The following ZBTB21 variants were observed in gnomAD, a reference collection of about 807,000 sequenced individuals.
ZBTB21 encodes the protein zinc finger and BTB domain-containing protein 21.
In ZBTB21, 10 loss-of-function variants were observed where a neutral mutation model predicts 39.8. That is an observed-to-expected ratio of 0.25 (90% CI 0.16 to 0.43). The LOEUF is 0.43. ZBTB21 is among the 20% of genes least tolerant of loss of function. The probability of loss-of-function intolerance (pLI) is 1.00; values close to 1 mark genes in which losing one functional copy is unlikely to be tolerated. For missense variants in ZBTB21, 1,221 were observed against 1,296.3 expected, an observed-to-expected ratio of 0.94 and a Z score of 0.89; for synonymous variants, 551 against 498.8, an observed-to-expected ratio of 1.10 and a Z score of -1.40.
Position 41,987,387 on chromosome 21 carries a change from T to C in ZBTB21, c.*3508A>G, listed in dbSNP as rs565543503. On this transcript the variant is annotated 3_prime_UTR_variant, in exon 3 of 3. Coordinates refer to ENST00000310826, the MANE Select transcript of ZBTB21 (RefSeq NM_001098402.2). ...CCCGCTGAGATACACTGAAAGAGCA[T>C]ATTAAAAATTACAAAAAATTAAACT... 1 of 152,308 alleles carries C rather than the reference T, an allele frequency of 6.6e-6. No individual in the cohort carries two copies. The highest frequency in any genetic ancestry group is 2.4e-5 in the African/African-American group (1 of 41,570). The allele number at this position is 152,308 out of a possible 1,614,324, so 9.4% of individuals were successfully genotyped here. A position where few individuals can be genotyped will look rare whatever the true frequency, so the allele number is the denominator to read the frequency against.
chr21:41,997,914 G>A (rs1360211843), intron 2 of ZBTB21, among the ~76,000 whole-genome samples: 4 of 152,094 alleles, frequency 2.6e-5, no homozygotes, highest in African/African-American at 4.8e-5. Flanking sequence ...TAGCCTCTCG[G>A]TGTGGCAGAT....
At chr21:42,000,728 C>T (rs1264802347) in intron 2 of ZBTB21, among the ~76,000 whole-genome samples, 1 of 152,154 alleles carries the variant, frequency 6.6e-6, no homozygotes, top group Non-Finnish European at 1.5e-5. Context: ...TGGATGAAAA[C>T]ATCTATGGAC....
chr21:42,007,768 G>C (rs1384202563), intron 1 of ZBTB21: 1 of 152,258 alleles, frequency 6.6e-6, no homozygotes, highest in Non-Finnish European at 1.5e-5. Context: ...GCTAGGTACA[G>C]GGCAAAGAGA....
intron 1 of ZBTB21, among the ~76,000 whole-genome samples, chr21:42,007,449 T>G (rs561746618): frequency 6.6e-6 from 1 of 152,196 alleles, no homozygotes; most frequent in Admixed American, 6.5e-5. Flanking sequence ...GGACACTACT[T>G]ACCATCTACT....
At position 41,989,519 on chromosome 21, in the gene ZBTB21, C is replaced by A. The variant is rs1338282879; in HGVS notation, c.*1376G>T. On this transcript the variant is annotated 3_prime_UTR_variant, in exon 3 of 3. Transcript: ENST00000310826. ...TTTTAATACATCTAACTCCCACCCC[C>A]ACAAGTAAAAGTTTTCCCTTTTGAA... 6.6e-6 allele frequency: 1 copy of A among 152,016 alleles called. No homozygotes were observed. Among genetic ancestry groups the A allele is most frequent in the Non-Finnish European group, 1.5e-5 (1 of 67,972 alleles). 9.4% of individuals were successfully genotyped at this position (152,016 alleles called of 1,614,324 possible).
intron 2 of ZBTB21, among the ~76,000 whole-genome samples, chr21:42,000,011 C>T (rs892427984): frequency 3.9e-5 from 6 of 152,112 alleles, no homozygotes; most frequent in African/African-American, 7.2e-5. Context: ...GGGGAAGCTG[C>T]GGGCCAGCTT....
chr21:42,008,556 AAAAAAAG>A (rs2065912251), intron 1 of ZBTB21, among the ~76,000 whole-genome samples: 1 of 131,156 alleles, frequency 7.6e-6, no homozygotes, highest in African/African-American at 2.5e-5. Context: ...AAAAAAAAAA[AAAAAAAG>A]AAAAAAAGAA....
At chr21:42,008,342 CAA>C (rs767411984) in intron 1 of ZBTB21, among the ~76,000 whole-genome samples, 3 of 54,294 alleles carry the variant, frequency 5.5e-5, no homozygotes, top group African/African-American at 2.2e-4. Flanking sequence ...CCCGTCTCTA[CAA>C]AAAAAAAAAA....
intron 1 of ZBTB21, chr21:42,009,126 T>C (rs1271945236): frequency 6.8e-6 from 1 of 147,092 alleles, no homozygotes; most frequent in African/African-American, 2.6e-5. Context: ...TGTGAGCGCT[T>C]GCACGAAAGG....
intron 1 of ZBTB21, among the ~76,000 whole-genome samples, chr21:42,003,461 T>C (rs2065841503): frequency 6.6e-6 from 1 of 152,118 alleles, no homozygotes; most frequent in Admixed American, 6.5e-5. Flanking sequence ...GGCCAGGGTG[T>C]AGGAGGGTGG....
At chr21:41,996,222 C>G (rs1305583003) in intron 2 of ZBTB21, among the ~76,000 whole-genome samples, 1 of 152,218 alleles carries the variant, frequency 6.6e-6, no homozygotes, top group Non-Finnish European at 1.5e-5. Context: ...ACAGCTGGCA[C>G]TGCGTGCCTG....
Position 41,987,408 on chromosome 21 carries a change from AAAC to A in ZBTB21, c.*3484_*3486del, listed in dbSNP as rs2065592123. ...AGCATATTAAAAATTACAAAAAATTAAACTTCTTAAAGTGCTAAAACCACAAAA... is the reference window on the plus strand; with the variant it reads ...AGCATATTAAAAATTACAAAAAATTATTCTTAAAGTGCTAAAACCACAAAA... On this transcript the variant is annotated 3_prime_UTR_variant, in exon 3 of 3. Coordinates refer to ENST00000310826, the MANE Select transcript of ZBTB21 (RefSeq NM_001098402.2). The A allele has an allele frequency of 6.6e-6, 1 of 152,240 alleles. No individual in the cohort carries two copies. Among genetic ancestry groups the A allele is most frequent in the Admixed American group, 6.5e-5 (1 of 15,282 alleles). 9.4% of individuals were successfully genotyped at this position (152,240 alleles called of 1,614,324 possible).
chr21:42,005,061 G>T (rs1455998388), intron 1 of ZBTB21, among the ~76,000 whole-genome samples: 1 of 152,210 alleles, frequency 6.6e-6, no homozygotes, highest in Non-Finnish European at 1.5e-5. Flanking sequence ...TCTCTAACAA[G>T]GGGGTTTGAT....
rs755714637 is a variant in ZBTB21, at chr21:41,991,978, T to C, written c.2118A>G (p.Pro706=). 9 of 1,614,214 alleles carry C rather than the reference T, an allele frequency of 5.6e-6. No individual in the cohort carries two copies. Among genetic ancestry groups the C allele is most frequent in the Non-Finnish European group, 7.6e-6 (9 of 1,180,042 alleles). Reference sequence around the variant, plus strand: ...GACTTGCAAGAGGAGCATGCTCTTTTGGTTTAGCAACTTTATTTACTCCAA... The same window carrying C: ...GACTTGCAAGAGGAGCATGCTCTTTCGGTTTAGCAACTTTATTTACTCCAA... The part of the protein sequence containing the change: ...KPLGVNKVAK[P]KEHAPLASPV... Residue 706 remains proline (P), a synonymous_variant, in exon 3 of 3, where the codon CCA becomes CCG. Coordinates refer to ENST00000310826, the MANE Select transcript of ZBTB21 (RefSeq NM_001098402.2). This position sits in a 1 kb window ranked among gnomAD's most constrained non-coding sequence, Gnocchi z 4.9.
At chr21:41,997,622 A>C (rs2065766698) in intron 2 of ZBTB21, among the ~76,000 whole-genome samples, 1 of 152,040 alleles carries the variant, frequency 6.6e-6, no homozygotes, top group African/African-American at 2.4e-5. Flanking sequence ...AAAGATTAGA[A>C]GTGTTGAAGA....
intron 2 of ZBTB21, among the ~76,000 whole-genome samples, chr21:41,996,618 G>A (rs2065750533): frequency 6.6e-6 from 1 of 152,214 alleles, no homozygotes; most frequent in Non-Finnish European, 1.5e-5. Context: ...TTGAGTTAAT[G>A]CTGAAATTAG....
At chr21:41,998,721 T>C (rs1601646372) in intron 2 of ZBTB21, among the ~76,000 whole-genome samples, 1 of 152,226 alleles carries the variant, frequency 6.6e-6, no homozygotes, top group East Asian at 1.9e-4. Context: ...TCCTAGGCTG[T>C]CAACCTGGGA....
chr21:42,010,304 C>T lies in ZBTB21; in HGVS notation c.-131G>A. The T allele has an allele frequency of 2.5e-6, 1 of 398,518 alleles. No homozygotes were observed. Among genetic ancestry groups the T allele is most frequent in the East Asian group, 3.6e-5 (1 of 28,052 alleles). The allele number at this position is 398,518 out of a possible 1,614,324, so 24.7% of individuals were successfully genotyped here. On this transcript the variant is annotated 5_prime_UTR_variant, in exon 1 of 3. Transcript: ENST00000310826. ...GGCCCCTTTCCGCTCACACTCGGCT[C>T]GCGCGCGCCGCAGCCGCCGCTGCCG...
chr21:41,999,832 T>A (rs1422397048), intron 2 of ZBTB21, among the ~76,000 whole-genome samples: 1 of 151,458 alleles, frequency 6.6e-6, no homozygotes, highest in Non-Finnish European at 1.5e-5. Flanking sequence ...CAATAAGAAG[T>A]AAGACCGTCT....
Sources: allele counts gnomAD v4.1 joint callset (sites outside exome capture counted in the v4.1 genomes callset), GRCh38; gene constraint gnomAD v4.1.1; non-coding constraint Gnocchi (gnomAD v3.1); transcripts MANE v1.5; gene names NCBI Gene and HGNC (gene_info 2026-07-23, HGNC 2026-07-21).